CTNNA2: variants seen among roughly 807,000 people sequenced by gnomAD.
CTNNA2 encodes catenin alpha 2.
A neutral mutation model predicts 101.0 loss-of-function variants in CTNNA2; 42 were observed. That is an observed-to-expected ratio of 0.42 (90% CI 0.32 to 0.54). The LOEUF (loss-of-function observed/expected upper bound fraction) is 0.54. Ranked by LOEUF, CTNNA2 falls within the 20% of genes least tolerant of loss-of-function variation. CTNNA2 has a pLI of 0.14. For synonymous variants in CTNNA2, 450 were observed against 456.4 expected (o/e 0.99, Z 0.18); for missense variants, 871 against 1,223.1 (o/e 0.71, Z 4.29).
intron 2 of CTNNA2, among the ~76,000 whole-genome samples, chr2:79,662,113 C>A (rs1458426199): frequency 6.6e-6 from 1 of 151,728 alleles, no homozygotes; most frequent in Non-Finnish European, 1.5e-5. Flanking sequence ...GGATTTAGTA[C>A]CTTTTCTTGT....
At chr2:80,535,970 C>T (rs1235129971) in intron 9 of CTNNA2, among the ~76,000 whole-genome samples, 1 of 152,182 alleles carries the variant, frequency 6.6e-6, no homozygotes, top group African/African-American at 2.4e-5. Context: ...TAGCCTATTC[C>T]TATGCCCATC....
intron 7 of CTNNA2, among the ~76,000 whole-genome samples, chr2:80,138,106 G>T (rs184773843): frequency 3.3e-5 from 5 of 152,086 alleles, no homozygotes; most frequent in South Asian, 4.1e-4. Context: ...CAATCCTTTG[G>T]ACTCTATTAA....
chr2:79,977,333 A>G (rs1690939762), intron 7 of CTNNA2, among the ~76,000 whole-genome samples: 1 of 152,040 alleles, frequency 6.6e-6, no homozygotes, highest in Admixed American at 6.6e-5. Context: ...TCCAAGGGAC[A>G]TGTGGTAAAC....
At chr2:80,634,949 A>G (rs181686710) in intron 18 of CTNNA2, among the ~76,000 whole-genome samples, 24 of 152,268 alleles carry the variant, frequency 1.6e-4, no homozygotes, top group Admixed American at 8.5e-4. Context: ...GGAGTTAATC[A>G]TAGAGCTCTC....
rs148093151 is a variant in CTNNA2 at position 80,291,935 on chromosome 2, G to A, written c.1057-101276G>A. On this transcript the variant is annotated intron_variant, in intron 7 of 18. Transcript: ENST00000402739. ...GTCAGTGAGTGGTGTATGGGCTAAGGCCTGGCCAGTTAGAAAGCTGGGAAG... is the reference window on the plus strand; with the variant it reads ...GTCAGTGAGTGGTGTATGGGCTAAGACCTGGCCAGTTAGAAAGCTGGGAAG... Among the ~76,000 whole-genome samples, 40 of 152,316 alleles carry A rather than the reference G, an allele frequency of 2.6e-4. No homozygotes were observed. In the East Asian group the frequency reaches 6.6e-3, roughly 25 times the overall value.
At chr2:79,674,703 G>C (rs1042049952) in intron 2 of CTNNA2, among the ~76,000 whole-genome samples, 1 of 152,088 alleles carries the variant, frequency 6.6e-6, no homozygotes, top group Non-Finnish European at 1.5e-5. Flanking sequence ...GCTAAGGAGA[G>C]ACAACTTAAA....
chr2:79,603,217 A>C (rs1677660805), intron 1 of CTNNA2, among the ~76,000 whole-genome samples: 1 of 152,318 alleles, frequency 6.6e-6, no homozygotes, highest in Admixed American at 6.5e-5. Context: ...AAAAAGATGA[A>C]ATATGTGCCT....
intron 7 of CTNNA2, among the ~76,000 whole-genome samples, chr2:80,024,978 G>A (rs963938360): frequency 1.3e-5 from 2 of 152,160 alleles, no homozygotes; most frequent in Non-Finnish European, 2.9e-5. Flanking sequence ...GGAGCTGGAA[G>A]GGGCAAGGCA....
intron 9 of CTNNA2, among the ~76,000 whole-genome samples, chr2:80,469,687 G>A (rs1213571937): frequency 6.6e-6 from 1 of 152,108 alleles, no homozygotes; most frequent in Non-Finnish European, 1.5e-5. Context: ...CTGTCTGTTG[G>A]ACCTTTGGGA....
chr2:79,392,507 T>A (rs1678185102), intron 4 of CTNNA2, among the ~76,000 whole-genome samples: 1 of 152,336 alleles, frequency 6.6e-6, no homozygotes, highest in East Asian at 1.9e-4. Context: ...GAAAGTATGA[T>A]CTCCTTATGA....
At chr2:79,325,688 C>T (rs1676730603) in intron 3 of CTNNA2, among the ~76,000 whole-genome samples, 1 of 152,202 alleles carries the variant, frequency 6.6e-6, no homozygotes, top group Non-Finnish European at 1.5e-5. Context: ...GCAGCATCAC[C>T]TTCTCCATCC....
chr2:80,257,266 T>A (rs919606873), intron 7 of CTNNA2, among the ~76,000 whole-genome samples: 31 of 151,714 alleles, frequency 2.0e-4, no homozygotes, highest in Non-Finnish European at 4.3e-4. Context: ...TACATATAAA[T>A]ATATAGTATA....
At chr2:79,208,137 C>A (rs901075807) in intron 2 of CTNNA2, among the ~76,000 whole-genome samples, 1 of 152,122 alleles carries the variant, frequency 6.6e-6, no homozygotes, top group African/African-American at 2.4e-5. Flanking sequence ...CTGTAAATCT[C>A]CAGGCCACTT....
At chr2:79,544,221 A>G (rs1233338024) in intron 1 of CTNNA2, among the ~76,000 whole-genome samples, 1 of 152,230 alleles carries the variant, frequency 6.6e-6, no homozygotes. Context: ...TACAGGCATG[A>G]GCCACCGCGC....
At chr2:79,990,203 C>A (rs925805509) in intron 7 of CTNNA2, among the ~76,000 whole-genome samples, 5 of 152,070 alleles carry the variant, frequency 3.3e-5, no homozygotes, top group Admixed American at 1.3e-4. Context: ...CAGGAAGCAG[C>A]GCAACCCCAG....
At chr2:79,193,096 T>C (rs1673896533) in intron 1 of CTNNA2, among the ~76,000 whole-genome samples, 1 of 152,204 alleles carries the variant, frequency 6.6e-6, no homozygotes, top group African/African-American at 2.4e-5. Flanking sequence ...TTACACTATA[T>C]GTAAATATTA....
At chr2:80,423,342 C>T (rs1263831972) in intron 9 of CTNNA2, among the ~76,000 whole-genome samples, 1 of 152,050 alleles carries the variant, frequency 6.6e-6, no homozygotes, top group Non-Finnish European at 1.5e-5. Flanking sequence ...CTAATCTATG[C>T]TTAAGTCTGG....
chr2:79,841,841 G>T (rs576763650), intron 3 of CTNNA2, among the ~76,000 whole-genome samples: 2 of 152,312 alleles, frequency 1.3e-5, no homozygotes, highest in South Asian at 4.1e-4. Context: ...GCTAAGGAAG[G>T]CTGTAAAGTT....
chr2:79,676,290 T>C (rs1190288206), intron 2 of CTNNA2, among the ~76,000 whole-genome samples: 1 of 152,182 alleles, frequency 6.6e-6, no homozygotes, highest in Non-Finnish European at 1.5e-5. Context: ...AAGAAGGCCT[T>C]CTGTGAGTGC....
Sources: gnomAD v4.1 joint callset for allele counts (sites outside exome capture counted in the v4.1 genomes callset) on GRCh38, gnomAD v4.1.1 for gene constraint, MANE v1.5 for transcripts, NCBI Gene and HGNC (gene_info 2026-07-23, HGNC 2026-07-21) for gene names.